Variants in CHODL observed in about 807,000 individuals in gnomAD.
CHODL encodes the protein chondrolectin.
A neutral mutation model predicts 34.5 loss-of-function variants in CHODL; 29 were observed. The observed-to-expected ratio is 0.84, with a 90% CI of 0.63 to 1.15. The LOEUF is 1.15. Among genes scored for constraint, CHODL ranks in the 50% most tolerant of loss-of-function variants. The pLI, the probability that CHODL is intolerant of heterozygous loss-of-function variation, is 0.00. For missense variants in CHODL, 332 were observed against 332.5 expected (o/e 1.00, Z 0.01); for synonymous variants, 125 against 116.1 (o/e 1.08, Z -0.49).
chr21:17,919,315 T>C (rs957121386), intron 1 of CHODL, among the ~76,000 whole-genome samples: 1 of 152,220 alleles, frequency 6.6e-6, no homozygotes, highest in African/African-American at 2.4e-5. Flanking sequence ...AGCAAACTTC[T>C]GCCCGGGCAT....
chr21:18,120,651 C>T (rs1204919754), intron 2 of CHODL, among the ~76,000 whole-genome samples: 1 of 152,084 alleles, frequency 6.6e-6, no homozygotes, highest in Non-Finnish European at 1.5e-5. Flanking sequence ...ATATGTGTCT[C>T]TATGTCTATC....
chr21:17,966,735 T>C (rs2063574685), intron 1 of CHODL, among the ~76,000 whole-genome samples: 1 of 152,106 alleles, frequency 6.6e-6, no homozygotes, highest in South Asian at 2.1e-4. Context: ...TAAAGTAGGG[T>C]GATTCCTTGG....
intron 1 of CHODL, among the ~76,000 whole-genome samples, chr21:17,946,494 C>A (rs1301234494): frequency 1.3e-5 from 2 of 152,108 alleles, no homozygotes; most frequent in African/African-American, 4.8e-5. Context: ...AGTTTTCAAG[C>A]TGAAAAGAGG....
chr21:18,260,985 G>A (rs547556351), intron 4 of CHODL, among the ~76,000 whole-genome samples: 2 of 152,264 alleles, frequency 1.3e-5, no homozygotes, highest in Admixed American at 6.5e-5. Context: ...TTAGGGATTG[G>A]TTGGATCCTT....
At chr21:18,158,053 C>A in intron 2 of CHODL, among the ~76,000 whole-genome samples, 2 of 142,494 alleles carry the variant, frequency 1.4e-5, no homozygotes, top group Non-Finnish European at 1.5e-5. Flanking sequence ...TCATTTCAAT[C>A]TTGCAAGATT....
In CHODL at chr21:18,235,990, G is replaced by T. The variant is rs111258031; in HGVS notation, c.-44-20519G>T. Reference sequence around the variant, plus strand: ...AGATGAATCAATTGTCCTCCTTTTTGTTCTGAATCTCAGAAGTCTTCTCAT... The same window carrying T: ...AGATGAATCAATTGTCCTCCTTTTTTTTCTGAATCTCAGAAGTCTTCTCAT... On this transcript the variant is annotated intron_variant, in intron 2 of 6. Coordinates refer to the CHODL transcript ENST00000400127. Among the ~76,000 whole-genome samples, 563 of 152,118 alleles carry T rather than the reference G, an allele frequency of 3.7e-3. 6 individuals are homozygous for T. Among genetic ancestry groups the T allele is most frequent in the African/African-American group, 0.013 (523 of 41,512 alleles).
chr21:17,957,990 T>C (rs960480269), intron 1 of CHODL, among the ~76,000 whole-genome samples: 8 of 152,052 alleles, frequency 5.3e-5, no homozygotes, highest in Non-Finnish European at 7.4e-5. Context: ...CAGATTGTTA[T>C]TGATGTTTCC....
intron 2 of CHODL, among the ~76,000 whole-genome samples, chr21:18,102,440 A>G (rs992298033): frequency 6.6e-6 from 1 of 152,222 alleles, no homozygotes; most frequent in Non-Finnish European, 1.5e-5. Flanking sequence ...ATCATGAGGC[A>G]GGACTTAAGA....
chr21:18,148,142 G>A (rs768668367), intron 2 of CHODL, among the ~76,000 whole-genome samples: 5 of 152,086 alleles, frequency 3.3e-5, no homozygotes, highest in African/African-American at 4.8e-5. Flanking sequence ...CAAGTAACTC[G>A]TCATGACATC....
intron 2 of CHODL, among the ~76,000 whole-genome samples, chr21:18,057,981 CA>C (rs2064605415): frequency 6.6e-6 from 1 of 152,028 alleles, no homozygotes; most frequent in Non-Finnish European, 1.5e-5. Flanking sequence ...TTGAGAACTT[CA>C]AAATCCTCTT....
intron 2 of CHODL, among the ~76,000 whole-genome samples, chr21:18,051,990 G>A (rs948690846): frequency 6.6e-6 from 1 of 151,848 alleles, no homozygotes; most frequent in Non-Finnish European, 1.5e-5. Flanking sequence ...ATAAAGAATT[G>A]AGTATGATTT....
intron 1 of CHODL, among the ~76,000 whole-genome samples, chr21:17,956,950 G>A (rs2063497305): frequency 6.6e-6 from 1 of 151,682 alleles, no homozygotes; most frequent in Non-Finnish European, 1.5e-5. Context: ...GAAGAGATCA[G>A]CATTTGAATC....
chr21:18,203,505 A>G (rs924575141), intron 2 of CHODL, among the ~76,000 whole-genome samples: 14 of 152,126 alleles, frequency 9.2e-5, no homozygotes, highest in African/African-American at 3.4e-4. Flanking sequence ...TTCTAGCTAC[A>G]CATTCCATTT....
At chr21:18,044,841 G>A (rs1371982298) in intron 2 of CHODL, among the ~76,000 whole-genome samples, 1 of 151,844 alleles carries the variant, frequency 6.6e-6, no homozygotes, top group Non-Finnish European at 1.5e-5. Context: ...ACTTCACAGA[G>A]TTGTAAGGGC....
intron 2 of CHODL, among the ~76,000 whole-genome samples, chr21:18,174,502 A>T (rs977032533): frequency 2.0e-5 from 3 of 152,188 alleles, no homozygotes; most frequent in African/African-American, 7.2e-5. Context: ...ATTAACTTTC[A>T]TACTTAAGGC....
At chr21:17,931,315 T>A (rs951701669) in intron 1 of CHODL, among the ~76,000 whole-genome samples, 20 of 152,138 alleles carry the variant, frequency 1.3e-4, no homozygotes, top group African/African-American at 4.6e-4. Context: ...ATACAAAACA[T>A]GCTAACAAGA....
intron 2 of CHODL, among the ~76,000 whole-genome samples, chr21:18,146,012 A>G (rs1255964787): frequency 3.9e-5 from 6 of 152,062 alleles, no homozygotes; most frequent in Non-Finnish European, 7.3e-5. Context: ...TCTGTCACCC[A>G]GGCTGGAGTG....
intron 2 of CHODL, among the ~76,000 whole-genome samples, chr21:18,108,263 A>G (rs956501202): frequency 1.3e-5 from 2 of 152,106 alleles, no homozygotes; most frequent in African/African-American, 2.4e-5. Context: ...CTTTAAATGC[A>G]TAATATGCTC....
intron 2 of CHODL, among the ~76,000 whole-genome samples, chr21:18,198,652 G>A (rs942201836): frequency 6.6e-6 from 1 of 151,980 alleles, no homozygotes; most frequent in African/African-American, 2.4e-5. Flanking sequence ...ATAGTAGAAG[G>A]GTAAAAGACA....
Sources: gnomAD v4.1 joint callset for allele counts (sites outside exome capture counted in the v4.1 genomes callset) on GRCh38, gnomAD v4.1.1 for gene constraint, MANE v1.5 for transcripts, NCBI Gene and HGNC (gene_info 2026-07-23, HGNC 2026-07-21) for gene names.